CHIC1: variants seen among roughly 807,000 people sequenced by gnomAD.
CHIC1 encodes the protein cysteine rich hydrophobic domain 1, also known as cysteine-rich hydrophobic domain-containing protein 1.
A neutral mutation model predicts 18.5 loss-of-function variants in CHIC1; 7 were observed. The observed-to-expected ratio is 0.38, with a 90% confidence interval of 0.22 to 0.71. CHIC1 has a LOEUF of 0.71. Among genes scored for constraint, CHIC1 ranks in the 30% least tolerant of loss-of-function variants. The pLI, the probability that CHIC1 is intolerant of heterozygous loss-of-function variation, is 0.49. For synonymous variants in CHIC1, 77 were observed against 73.5 expected (o/e 1.05, Z -0.25); for missense variants, 159 against 176.9 (o/e 0.90, Z 0.57).
intron 1 of CHIC1, among the ~76,000 whole-genome samples, chrX:73,568,796 A>G (rs971746580): frequency 1.8e-5 from 2 of 111,732 alleles, no homozygotes; most frequent in Non-Finnish European, 3.8e-5. Context: ...ATTAGATTAT[A>G]TAATTGAAAA....
In CHIC1 at chrX:73,655,455, ATAT is replaced by A. The variant is rs2057939285; in HGVS notation, c.508-23869_508-23867del. Among the ~76,000 whole-genome samples the A allele has an allele frequency of 6.4e-5, 3 of 47,071 alleles. 1 individual carries two copies. The highest frequency in any genetic ancestry group is 1.9e-4 in the African/African-American group (3 of 15,840). 40.9% of individuals were successfully genotyped at this position (47,071 alleles called of 115,157 possible). ...GTGTATATATATACATATATACACA[ATAT>A]TGTGTATATATATATACATATATAC... On this transcript the variant is annotated intron_variant, in intron 3 of 5. Transcript: ENST00000373502.
intron 3 of CHIC1, among the ~76,000 whole-genome samples, chrX:73,677,536 G>T: frequency 8.9e-6 from 1 of 112,396 alleles, no homozygotes; most frequent in East Asian, 2.8e-4. Flanking sequence ...GACCCTCCGA[G>T]CCAGGTGCAG....
chrX:73,564,819 CAG>C, intron 1 of CHIC1, among the ~76,000 whole-genome samples: 1 of 63,475 alleles, frequency 1.6e-5, no homozygotes, highest in Non-Finnish European at 2.6e-5. Context: ...TTTTTTGAGA[CAG>C]AGTCTCACTC....
intron 1 of CHIC1, among the ~76,000 whole-genome samples, chrX:73,565,990 C>T (rs1010039147): frequency 1.8e-5 from 2 of 110,890 alleles, no homozygotes; most frequent in African/African-American, 6.6e-5. Flanking sequence ...ATCCTCTCCA[C>T]ATTGCCCGTG....
chrX:73,624,336 G>T (rs969734987), intron 3 of CHIC1, among the ~76,000 whole-genome samples: 2 of 111,807 alleles, frequency 1.8e-5, no homozygotes, highest in Non-Finnish European at 3.8e-5. Flanking sequence ...ACAGAACAGA[G>T]GCTTAGATTT....
chrX:73,614,485 T>C (rs1488152707), intron 3 of CHIC1, among the ~76,000 whole-genome samples: 1 of 111,433 alleles, frequency 9.0e-6, no homozygotes, highest in African/African-American at 3.3e-5. Context: ...CTCTTCACCT[T>C]CTTAGACACC....
intron 3 of CHIC1, among the ~76,000 whole-genome samples, chrX:73,597,865 G>T (rs1338219903): frequency 9.0e-6 from 1 of 110,500 alleles, no homozygotes; most frequent in East Asian, 2.8e-4. Flanking sequence ...GTGAGAACAT[G>T]CAGTGTTTGG....
At chrX:73,605,472 G>A (rs970480307) in intron 3 of CHIC1, among the ~76,000 whole-genome samples, 1 of 107,886 alleles carries the variant, frequency 9.3e-6, no homozygotes, top group Non-Finnish European at 1.9e-5. Context: ...TCTTTTAATT[G>A]AGCCATTTAG....
At chrX:73,648,096 C>T (rs2057897746) in intron 3 of CHIC1, among the ~76,000 whole-genome samples, 1 of 111,455 alleles carries the variant, frequency 9.0e-6, no homozygotes, top group African/African-American at 3.3e-5. Flanking sequence ...CCCAGCAAAC[C>T]ACAGCAGCTG....
At chrX:73,569,411 C>T (rs769823818) in intron 1 of CHIC1, among the ~76,000 whole-genome samples, 13 of 111,339 alleles carry the variant, frequency 1.2e-4, no homozygotes, top group South Asian at 3.7e-4. Context: ...AAAATGTGGG[C>T]GTTGAAGACA....
At chrX:73,584,994 C>G (rs908213758) in intron 3 of CHIC1, among the ~76,000 whole-genome samples, 6 of 111,533 alleles carry the variant, frequency 5.4e-5, no homozygotes, top group Non-Finnish European at 1.1e-4. Context: ...GTTACAATAA[C>G]ATGCTAGCAT....
At chrX:73,616,088 C>T (rs747744895) in intron 3 of CHIC1, among the ~76,000 whole-genome samples, 1 of 110,507 alleles carries the variant, frequency 9.0e-6, no homozygotes, top group Non-Finnish European at 1.9e-5. Flanking sequence ...CCCCTCCCCC[C>T]AGGCAGGAGG....
intron 3 of CHIC1, among the ~76,000 whole-genome samples, chrX:73,673,531 A>C (rs771754108): frequency 1.2e-4 from 13 of 111,840 alleles, no homozygotes; most frequent in Middle Eastern, 4.6e-3. Context: ...GAGTTTACTC[A>C]TGATTTGGCT....
intron 3 of CHIC1, among the ~76,000 whole-genome samples, chrX:73,620,169 C>T (rs769479559): frequency 1.1e-4 from 12 of 111,934 alleles, no homozygotes; most frequent in Non-Finnish European, 1.7e-4. Flanking sequence ...TAAACATACA[C>T]GTGCATGTGT....
rs1257608908 is a variant in CHIC1, at chrX:73,681,402, CA to C, written c.*400del. On this transcript the variant is annotated 3_prime_UTR_variant, in exon 6 of 6. Transcript: ENST00000373502. The stretch of plus-strand genomic sequence containing the variant: ...TGATGCTCTGTAATCCCTTACTGGA[CA>C]AACTTAAATAAGCTTTTGGTAGCTT... 8.3e-6 allele frequency: 1 copy of C among 119,897 alleles called. No homozygotes were observed. The highest frequency in any genetic ancestry group is 1.7e-5 in the Non-Finnish European group (1 of 58,515). The allele number at this position is 119,897 out of a possible 1,213,427, so 9.9% of individuals were successfully genotyped here. A position where few individuals can be genotyped will look rare whatever the true frequency, so the allele number is the denominator to read the frequency against.
intron 2 of CHIC1, among the ~76,000 whole-genome samples, chrX:73,582,120 C>T (rs2057530732): frequency 9.3e-6 from 1 of 107,656 alleles, no homozygotes; most frequent in African/African-American, 3.4e-5. Flanking sequence ...TATTTTTTTT[C>T]CATCTGTGTT....
intron 3 of CHIC1, among the ~76,000 whole-genome samples, chrX:73,663,624 A>C (rs888629522): frequency 2.7e-5 from 3 of 110,832 alleles, no homozygotes; most frequent in African/African-American, 9.9e-5. Context: ...TTTGATGACT[A>C]ATTATCGAAA....
At chrX:73,668,018 G>A (rs963367721) in intron 3 of CHIC1, among the ~76,000 whole-genome samples, 2 of 111,421 alleles carry the variant, frequency 1.8e-5, no homozygotes, top group Non-Finnish European at 3.8e-5. Flanking sequence ...AGATTTGGTC[G>A]CTTTACATAA....
intron 3 of CHIC1, among the ~76,000 whole-genome samples, chrX:73,659,565 C>G (rs2057969625): frequency 9.1e-6 from 1 of 110,336 alleles, no homozygotes; most frequent in African/African-American, 3.3e-5. Flanking sequence ...TCCTTAATAC[C>G]ATGACACTTG....
Sources: gnomAD v4.1 joint callset for allele counts (sites outside exome capture counted in the v4.1 genomes callset) on GRCh38, gnomAD v4.1.1 for gene constraint, MANE v1.5 for transcripts, NCBI Gene and HGNC (gene_info 2026-07-23, HGNC 2026-07-21) for gene names.